TRPM3: variants seen among roughly 807,000 people sequenced by gnomAD.
TRPM3 encodes transient receptor potential cation channel subfamily M member 3.
TRPM3 carries 77 observed loss-of-function variants against 181.2 expected under a neutral mutation model. The ratio of observed to expected loss-of-function variants is 0.42; its 90% confidence interval spans 0.35 to 0.51. The LOEUF is 0.51. Ranked by LOEUF, TRPM3 falls within the 20% of genes least tolerant of loss-of-function variation. The probability of loss-of-function intolerance (pLI) is 0.01; values close to 1 mark genes in which losing one functional copy is unlikely to be tolerated. For synonymous variants in TRPM3, 745 were observed against 796.4 expected (o/e 0.94, Z 1.09); for missense variants, 1,759 against 2,196.7 (o/e 0.80, Z 3.98).
intron 1 of TRPM3, among the ~76,000 whole-genome samples, chr9:71,387,433 C>G (rs952189237): frequency 6.6e-6 from 1 of 152,088 alleles, no homozygotes; most frequent in Non-Finnish European, 1.5e-5. Context: ...ATCCTAAATA[C>G]CACATCTTAA....
At position 70,887,679 on chromosome 9, in the gene TRPM3, A is replaced by AC. The variant is rs780817290; in HGVS notation, c.178-23169dup. 7.9e-5 allele frequency among the ~76,000 whole-genome samples: 12 copies of AC among 152,138 alleles called. 1 individual carries two copies. Among genetic ancestry groups the AC allele is most frequent in the Admixed American group, 7.2e-4 (11 of 15,268 alleles). On this transcript the variant is annotated intron_variant, in intron 1 of 25. Coordinates refer to ENST00000677713, the MANE Select transcript of TRPM3 (RefSeq NM_001366145.2). ...CAGTTGAAGGAATGAGGCAGCCCAT[A>AC]CAAATCTATTTTCTTAGTATCTGGG... is the stretch of plus-strand genomic sequence containing the variant.
chr9:70,629,445 C>T (rs925970227), intron 12 of TRPM3, among the ~76,000 whole-genome samples: 2 of 152,054 alleles, frequency 1.3e-5, no homozygotes, highest in African/African-American at 2.4e-5. Context: ...AAGTGATTCT[C>T]CTGCCTCAGC....
At chr9:70,850,169 C>T (rs1002337394) in intron 3 of TRPM3, among the ~76,000 whole-genome samples, 1 of 152,084 alleles carries the variant, frequency 6.6e-6, no homozygotes, top group Non-Finnish European at 1.5e-5. Flanking sequence ...TAGAATTTGA[C>T]TAGAGTTTAC....
intron 6 of TRPM3, among the ~76,000 whole-genome samples, chr9:70,797,385 A>G (rs532826668): frequency 6.6e-6 from 1 of 152,298 alleles, no homozygotes; most frequent in East Asian, 1.9e-4. Flanking sequence ...CTTAACTGCT[A>G]GCTGTCACTC....
chr9:71,245,459 A>AT (rs397943570), intron 1 of TRPM3, among the ~76,000 whole-genome samples: 2 of 151,678 alleles, frequency 1.3e-5, no homozygotes, highest in East Asian at 3.9e-4. Flanking sequence ...AAAAAAAAAA[A>AT]TACAGTGAAG....
chr9:71,361,098 T>G (rs1317607293), intron 1 of TRPM3, among the ~76,000 whole-genome samples: 1 of 152,186 alleles, frequency 6.6e-6, no homozygotes, highest in African/African-American at 2.4e-5. Flanking sequence ...GTGATTTTCC[T>G]GCCTCAGCCT....
At chr9:71,091,160 C>G (rs1164243601) in intron 1 of TRPM3, among the ~76,000 whole-genome samples, 3 of 152,154 alleles carry the variant, frequency 2.0e-5, no homozygotes, top group Non-Finnish European at 4.4e-5. Context: ...TTACCATTCT[C>G]TTACAGACAA....
At position 71,069,431 on chromosome 9, in the gene TRPM3, C is replaced by T. The variant is rs190926795; in HGVS notation, c.177+51747G>A. Reference sequence around the variant, plus strand: ...GGACCTCATGATCCGCCTGCCTTGGCCTCCCAAAGTGCTGGGATTACAGGC... The same window carrying T: ...GGACCTCATGATCCGCCTGCCTTGGTCTCCCAAAGTGCTGGGATTACAGGC... On this transcript the variant is annotated intron_variant, in intron 1 of 25. Coordinates refer to ENST00000677713, the MANE Select transcript of TRPM3 (RefSeq NM_001366145.2). 3.4e-4 allele frequency among the ~76,000 whole-genome samples: 52 copies of T among 152,272 alleles called. No homozygotes were observed. The East Asian group carries it at 7.5e-3, about 22-fold the overall frequency.
chr9:70,538,548 C>A (rs1045231046), intron 25 of TRPM3, among the ~76,000 whole-genome samples: 5 of 152,110 alleles, frequency 3.3e-5, no homozygotes, highest in Admixed American at 3.3e-4. Context: ...CCTGGCTCAG[C>A]CTCTCTAGTA....
chr9:70,622,357 GAA>G (rs981107482), intron 14 of TRPM3, among the ~76,000 whole-genome samples: 55 of 152,236 alleles, frequency 3.6e-4, no homozygotes, highest in African/African-American at 1.2e-3. Context: ...CTATCAAGCA[GAA>G]TGAATCATGT....
At chr9:71,376,085 A>G (rs2092659168) in intron 1 of TRPM3, among the ~76,000 whole-genome samples, 1 of 152,026 alleles carries the variant, frequency 6.6e-6, no homozygotes, top group Admixed American at 6.5e-5. Flanking sequence ...ACAAGACTAT[A>G]ATCTGTTTCC....
At chr9:71,297,632 A>G (rs571300895) in intron 1 of TRPM3, among the ~76,000 whole-genome samples, 1 of 152,310 alleles carries the variant, frequency 6.6e-6, no homozygotes, top group African/African-American at 2.4e-5. Flanking sequence ...AACTGCTCCC[A>G]TGATTCAATT....
intron 6 of TRPM3, among the ~76,000 whole-genome samples, chr9:70,807,101 T>A (rs115623535): frequency 3.3e-5 from 5 of 152,360 alleles, no homozygotes. Flanking sequence ...ATTAATTTTA[T>A]GTGTGTCTAA....
At chr9:71,064,163 C>T (rs75340128) in intron 1 of TRPM3, among the ~76,000 whole-genome samples, 2,080 of 152,154 alleles carry the variant, frequency 0.014, 36 homozygotes, top group African/African-American at 0.048. Context: ...TAATTCTTTT[C>T]GGTAAATCCT....
chr9:71,141,786 C>T (rs1166516296), intron 1 of TRPM3, among the ~76,000 whole-genome samples: 1 of 152,066 alleles, frequency 6.6e-6, no homozygotes, highest in Admixed American at 6.6e-5. Context: ...TCATGTCTGT[C>T]GTTCTGCTGG....
rs76835081 is a variant in TRPM3, at chr9:70,972,129, T to C, written c.178-107618A>G. On this transcript the variant is annotated intron_variant, in intron 1 of 25. Coordinates refer to ENST00000677713, the MANE Select transcript of TRPM3 (RefSeq NM_001366145.2). ...AAACATATTTTCATGTCTAAACTTG[T>C]ACATAGATATTCATAGCCGCATCAT... Among the ~76,000 whole-genome samples the C allele has an allele frequency of 4.4e-3, 664 of 152,286 alleles. 7 individuals carry two copies. The highest frequency in any genetic ancestry group is 0.015 in the African/African-American group (616 of 41,566).
At position 71,233,233 on chromosome 9, in the gene TRPM3, A is replaced by C. The variant is rs1041538417; in HGVS notation, c.183+213420T>G. On this transcript the variant is annotated intron_variant, in intron 1 of 24. Transcript: ENST00000357533. ...AAATGAATCATTTTCCCTCCTTTAAAATTCAAAAGGAGAATCACAGATTTA... is the reference window on the plus strand; with the variant it reads ...AAATGAATCATTTTCCCTCCTTTAACATTCAAAAGGAGAATCACAGATTTA... 3.9e-5 allele frequency among the ~76,000 whole-genome samples: 6 copies of C among 152,212 alleles called. No individual in the cohort carries two copies. In the East Asian group the frequency reaches 7.7e-4, roughly 20 times the overall value.
intron 1 of TRPM3, among the ~76,000 whole-genome samples, chr9:71,358,692 C>G (rs1325355212): frequency 2.6e-5 from 4 of 152,094 alleles, no homozygotes; most frequent in Non-Finnish European, 5.9e-5. Context: ...CTAGAAAGAA[C>G]AGAAATGAAG....
At position 71,098,544 on chromosome 9, in the gene TRPM3, A is replaced by C. The variant is rs372474146; in HGVS notation, c.177+22634T>G. ...AGTGGTGAATGCTCCCCTATCATCC[A>C]AGCTTTGTTAAACAGATCATGTTAT... On this transcript the variant is annotated intron_variant, in intron 1 of 25. Coordinates refer to ENST00000677713, the MANE Select transcript of TRPM3 (RefSeq NM_001366145.2). Among the ~76,000 whole-genome samples, 7 of 152,232 alleles carry C rather than the reference A, an allele frequency of 4.6e-5. No homozygotes were observed. The South Asian group carries it at 8.3e-4, about 18-fold the overall frequency.
Sources: allele counts gnomAD v4.1 joint callset (sites outside exome capture counted in the v4.1 genomes callset), GRCh38; gene constraint gnomAD v4.1.1; transcripts MANE v1.5; gene names NCBI Gene and HGNC (gene_info 2026-07-23, HGNC 2026-07-21).